NEMP2: variants seen among roughly 807,000 people sequenced by gnomAD.
The protein encoded by NEMP2 is UPF0571 transmembrane protein.
Under a neutral mutation model 54.2 loss-of-function variants are expected in NEMP2, and 53 were observed. That is an observed-to-expected ratio of 0.98 (90% CI 0.78 to 1.23). The LOEUF is 1.23. NEMP2 is among the 50% of genes most tolerant of loss of function. The probability of loss-of-function intolerance (pLI) is 0.00; values close to 1 mark genes in which losing one functional copy is unlikely to be tolerated. For synonymous variants in NEMP2, 197 were observed against 190.3 expected, an observed-to-expected ratio of 1.04 and a Z score of -0.29; for missense variants, 455 against 511.3, an observed-to-expected ratio of 0.89 and a Z score of 1.06.
chr2:190,525,311 G>GTT lies in NEMP2; in HGVS notation c.164_165insAA (p.Tyr55Ter). 1.9e-6 allele frequency: 3 copies of GTT among 1,550,458 alleles called. No homozygotes were observed. Among genetic ancestry groups the GTT allele is most frequent in the Non-Finnish European group, 2.6e-6 (3 of 1,146,240 alleles). Residue 55 changes from tyrosine (Y) to a stop codon, truncating the protein, a stop_gained and frameshift_variant, in exon 2 of 9, where the codon TAC becomes TAAAC. Transcript: ENST00000409150. LOFTEE classifies it high-confidence loss of function. This position sits in a 1 kb window ranked among gnomAD's most constrained non-coding sequence, Gnocchi z 5.0. ...TCCACTCCACTTGGGAATTTTGATT[G>GTT]TAGCAGTAACAGTCTGACTCAGACG... Reference protein sequence around the residue: ...IRTSESDCYCYNQNSQVEWKY... With the variant: ...IRTSESDCYC
At chr2:190,473,430 T>A in the NEMP2 span, among the ~76,000 whole-genome samples, 51 of 152,184 alleles carry the variant, frequency 3.4e-4, no homozygotes, top group Non-Finnish European at 6.6e-4. Context: ...AGGCAGGGGT[T>A]GCAATCCTGG....
At chr2:190,628,087 TC>T in the NEMP2 span, 1 of 152,284 alleles carries the variant, frequency 6.6e-6, no homozygotes, top group South Asian at 2.1e-4. This position sits in a 1 kb window ranked among gnomAD's most constrained non-coding sequence, Gnocchi z 4.1. Flanking sequence ...CTGTCGTGCC[TC>T]TTTGTGTTCC....
the NEMP2 span, chr2:190,648,537 T>TAA: frequency 6.2e-5 from 9 of 145,168 alleles, no homozygotes; most frequent in Non-Finnish European, 9.0e-5. Flanking sequence ...TTTTTTTTTT[T>TAA]TAAAGTCAGC....
the NEMP2 span, among the ~76,000 whole-genome samples, chr2:190,598,917 T>C: frequency 6.6e-6 from 1 of 152,218 alleles, no homozygotes; most frequent in Non-Finnish European, 1.5e-5. Flanking sequence ...TTATCTTGAT[T>C]TATATTTTTC....
chr2:190,533,183 G>A lies in NEMP2; in HGVS notation c.97+1376C>T, dbSNP rs1691217027. Among the ~76,000 whole-genome samples, 1 of 152,194 alleles carries A rather than the reference G, an allele frequency of 6.6e-6. No individual in the cohort carries two copies. The highest frequency in any genetic ancestry group is 1.5e-5 in the Non-Finnish European group (1 of 68,038). On this transcript the variant is annotated intron_variant, in intron 1 of 8. Coordinates refer to ENST00000409150, the MANE Select transcript of NEMP2 (RefSeq NM_001142645.2). This position sits in a 1 kb window ranked among gnomAD's most constrained non-coding sequence, Gnocchi z 4.3. ...ATAAAGACTCTGTGCCTGGACCAAG[G>A]TTATACCACAAGTTGTGGCTGAAGG...
the NEMP2 span, among the ~76,000 whole-genome samples, chr2:190,574,499 T>TA: frequency 6.6e-6 from 1 of 152,194 alleles, no homozygotes; most frequent in Non-Finnish European, 1.5e-5. Context: ...GTCACCCATT[T>TA]AAAGTATGTA....
the NEMP2 span, among the ~76,000 whole-genome samples, chr2:190,602,354 G>A: frequency 6.6e-6 from 1 of 152,200 alleles, no homozygotes; most frequent in South Asian, 2.1e-4. Flanking sequence ...GCAGACTGGA[G>A]GAGAATTCCT....
chr2:190,492,779 T>TC, the NEMP2 span, among the ~76,000 whole-genome samples: 1 of 151,666 alleles, frequency 6.6e-6, no homozygotes, highest in African/African-American at 2.4e-5. This position sits in a 1 kb window ranked among gnomAD's most constrained non-coding sequence, Gnocchi z 5.2. Flanking sequence ...AAGCCAGCAC[T>TC]CCAAGAACTA....
chr2:190,502,279 CTACCT>C (rs1690061336), downstream of NEMP2: 5 of 152,302 alleles, frequency 3.3e-5, no homozygotes, highest in South Asian at 1.0e-3. The surrounding 1 kb of genome is among the most constrained non-coding windows in gnomAD (Gnocchi z 4.4). Flanking sequence ...GTGCCATATG[CTACCT>C]TAAAAAATAT....
the NEMP2 span, among the ~76,000 whole-genome samples, chr2:190,493,551 C>T: frequency 1.3e-5 from 2 of 152,284 alleles, no homozygotes; most frequent in African/African-American, 4.8e-5. Context: ...ATTTACAGAA[C>T]ATTCTACCCA....
At chr2:190,461,848 T>C in the NEMP2 span, among the ~76,000 whole-genome samples, 1 of 152,308 alleles carries the variant, frequency 6.6e-6, no homozygotes, top group East Asian at 1.9e-4. The surrounding 1 kb of genome is among the most constrained non-coding windows in gnomAD (Gnocchi z 5.5). Context: ...AGTTTTAATT[T>C]TTTTTTTAGT....
In NEMP2 at chr2:190,519,990, A is replaced by T. The variant is rs920393147; in HGVS notation, c.214-807T>A. Reference sequence around the variant, plus strand: ...AAATTAAGGTATGTAGGGTTTTTTTAAAGATATAATTCTATTGCACCCTTA... The same window carrying T: ...AAATTAAGGTATGTAGGGTTTTTTTTAAGATATAATTCTATTGCACCCTTA... On this transcript the variant is annotated intron_variant, in intron 2 of 8. Transcript: ENST00000409150. The surrounding 1 kb of genome is among the most constrained non-coding windows in gnomAD (Gnocchi z 5.4). Among the ~76,000 whole-genome samples the T allele has an allele frequency of 6.6e-6, 1 of 151,830 alleles. No homozygotes were observed. The highest frequency in any genetic ancestry group is 2.4e-5 in the African/African-American group (1 of 41,410).
Position 190,533,181 on chromosome 2 carries a change from A to C in NEMP2, c.97+1378T>G, listed in dbSNP as rs895325026. On this transcript the variant is annotated intron_variant, in intron 1 of 8. Coordinates refer to ENST00000409150, the MANE Select transcript of NEMP2 (RefSeq NM_001142645.2). The surrounding 1 kb of genome is among the most constrained non-coding windows in gnomAD (Gnocchi z 4.3). ...CCATAAAGACTCTGTGCCTGGACCA[A>C]GGTTATACCACAAGTTGTGGCTGAA... is the stretch of plus-strand genomic sequence containing the variant. Among the ~76,000 whole-genome samples the C allele has an allele frequency of 2.0e-5, 3 of 152,234 alleles. No homozygotes were observed. Among genetic ancestry groups the C allele is most frequent in the Non-Finnish European group, 4.4e-5 (3 of 68,038 alleles).
chr2:190,544,153 C>G, the NEMP2 span, among the ~76,000 whole-genome samples: 287 of 152,228 alleles, frequency 1.9e-3, 1 homozygote, highest in African/African-American at 6.7e-3. Flanking sequence ...TAGAATTTTA[C>G]TCATTAAAAG....
At position 190,519,072 on chromosome 2, in the gene NEMP2, A is replaced by G; in HGVS notation, c.325T>C (p.Trp109Arg). The G allele has an allele frequency of 6.4e-7, 1 of 1,551,160 alleles. No individual in the cohort carries two copies. The highest frequency in any genetic ancestry group is 8.7e-7 in the Non-Finnish European group (1 of 1,146,734). Residue 109 changes from tryptophan (W) to arginine (R), a missense_variant, in exon 3 of 9, where the codon TGG becomes CGG. This residue lies in a region of NEMP2 where 61 missense variants were observed against 97.5 expected (regional missense o/e 0.63). Coordinates refer to ENST00000409150, the MANE Select transcript of NEMP2 (RefSeq NM_001142645.2). The surrounding 1 kb of genome is among the most constrained non-coding windows in gnomAD (Gnocchi z 5.4). ...SFIKCVIHNF[W>R]IPKESNEITI... Reference sequence around the variant, plus strand: ...ATTTCGTTAGATTCCTTTGGTATCCAAAAGTTATGAATCACACATTTGATA... The same window carrying G: ...ATTTCGTTAGATTCCTTTGGTATCCGAAAGTTATGAATCACACATTTGATA...
At chr2:190,605,872 G>A in the NEMP2 span, among the ~76,000 whole-genome samples, 198 of 152,238 alleles carry the variant, frequency 1.3e-3, 1 homozygote, top group South Asian at 4.6e-3. Context: ...AACACATACC[G>A]TTGTGCTTGG....
chr2:190,572,833 G>GCTTATATATATATA, the NEMP2 span, among the ~76,000 whole-genome samples: 7 of 47,862 alleles, frequency 1.5e-4, no homozygotes, highest in Non-Finnish European at 1.9e-4. Flanking sequence ...CTTTTCATGA[G>GCTTATATATATATA]TATATATATA....
At position 190,525,056 on chromosome 2, in the gene NEMP2, T is replaced by C. The variant is rs1421656785; in HGVS notation, c.213+207A>G. ...TCATTGGGAGTGGCTTGGGAGGGGC[T>C]GAGGGAGAATATGAAGGAGTTAGTG... On this transcript the variant is annotated intron_variant, in intron 2 of 8. Transcript: ENST00000409150. This position sits in a 1 kb window ranked among gnomAD's most constrained non-coding sequence, Gnocchi z 5.0. 1.3e-5 allele frequency among the ~76,000 whole-genome samples: 2 copies of C among 152,338 alleles called. No individual in the cohort carries two copies. The highest frequency in any genetic ancestry group is 3.9e-4 in the East Asian group (2 of 5,172).
chr2:190,583,498 G>T, the NEMP2 span, among the ~76,000 whole-genome samples: 2 of 152,160 alleles, frequency 1.3e-5, no homozygotes, highest in African/African-American at 4.8e-5. Context: ...AATACTGATT[G>T]TCTTCAAAGT....
Sources: allele counts gnomAD v4.1 joint callset (sites outside exome capture counted in the v4.1 genomes callset), GRCh38; gene constraint gnomAD v4.1.1; regional missense constraint gnomAD v4.1.1; non-coding constraint Gnocchi (gnomAD v3.1); transcripts MANE v1.5; gene names NCBI Gene and HGNC (gene_info 2026-07-23, HGNC 2026-07-21).